Variants in WWOX observed in about 807,000 individuals in gnomAD.
WWOX encodes WW domain containing oxidoreductase, also known as WW domain-containing oxidoreductase.
A neutral mutation model predicts 46.2 loss-of-function variants in WWOX; 69 were observed. The observed-to-expected ratio is 1.49, with a 90% CI of 1.23 to 1.82. WWOX has a LOEUF of 1.82. Ranked by LOEUF, WWOX falls within the 40% of genes most tolerant of loss-of-function variation. WWOX has a pLI of 0.00. For synonymous variants in WWOX, 359 were observed against 202.6 expected (o/e 1.77, Z -6.56); for missense variants, 919 against 542.6 (o/e 1.69, Z -6.89).
At position 79,143,260 on chromosome 16, in the gene WWOX, C is replaced by T. The variant is rs115842305; in HGVS notation, c.1057-68348C>T. Among the ~76,000 whole-genome samples, 975 of 152,292 alleles carry T rather than the reference C, an allele frequency of 6.4e-3. 9 individuals are homozygous for T. Among genetic ancestry groups the T allele is most frequent in the African/African-American group, 0.022 (920 of 41,554 alleles). ...CCTGGATGAAGTCTTTCTCTACACT[C>T]TTTTTTGGGAAGTTCCCAAATCTGT... On this transcript the variant is annotated intron_variant, in intron 8 of 8. Transcript: ENST00000566780.
At chr16:78,300,414 A>C (rs1053454986) in intron 5 of WWOX, among the ~76,000 whole-genome samples, 14 of 152,058 alleles carry the variant, frequency 9.2e-5, no homozygotes, top group African/African-American at 3.4e-4. Context: ...GTGCCATAAC[A>C]TGTCTGTGTC....
chr16:78,668,163 C>A (rs113410446), intron 8 of WWOX, among the ~76,000 whole-genome samples: 1 of 152,106 alleles, frequency 6.6e-6, no homozygotes, highest in African/African-American at 2.4e-5. Context: ...GCCTGTAATC[C>A]CAGCTACTCG....
At chr16:78,928,218 T>TG (rs2045543534) in intron 8 of WWOX, among the ~76,000 whole-genome samples, 2 of 150,938 alleles carry the variant, frequency 1.3e-5, no homozygotes, top group Admixed American at 6.6e-5. Flanking sequence ...TTTTTTTTTT[T>TG]TTGAGACGGA....
chr16:78,897,302 C>T (rs1054747468), intron 8 of WWOX: 1 of 149,514 alleles, frequency 6.7e-6, no homozygotes, highest in South Asian at 2.1e-4. Flanking sequence ...CCCATCACGT[C>T]GGTAAGTATC....
intron 4 of WWOX, among the ~76,000 whole-genome samples, chr16:78,147,995 C>T (rs561617932): frequency 1.1e-4 from 17 of 151,852 alleles, no homozygotes; most frequent in South Asian, 4.2e-4. Flanking sequence ...TGCTCTAAAT[C>T]ATAAAGAACC....
chr16:78,378,431 A>G (rs1486680686), intron 5 of WWOX, among the ~76,000 whole-genome samples: 2 of 152,176 alleles, frequency 1.3e-5, no homozygotes, highest in African/African-American at 4.8e-5. Flanking sequence ...AATGAAAGCA[A>G]CTGTGTCCCC....
intron 8 of WWOX, among the ~76,000 whole-genome samples, chr16:78,753,408 G>T (rs539652460): frequency 6.6e-6 from 1 of 152,144 alleles, no homozygotes; most frequent in Admixed American, 6.5e-5. Context: ...AGAGTATTGG[G>T]GTTGGGAGGA....
chr16:79,176,894 C>G (rs1037986941), intron 8 of WWOX, among the ~76,000 whole-genome samples: 1 of 152,060 alleles, frequency 6.6e-6, no homozygotes, highest in African/African-American at 2.4e-5. Flanking sequence ...TGGCATAATC[C>G]AGGCCGACTT....
At chr16:78,774,479 T>C (rs1256932679) in intron 8 of WWOX, among the ~76,000 whole-genome samples, 1 of 151,564 alleles carries the variant, frequency 6.6e-6, no homozygotes, top group Admixed American at 6.6e-5. Context: ...TTCGGGCAGT[T>C]TCTTGACAGA....
intron 6 of WWOX, among the ~76,000 whole-genome samples, chr16:78,395,640 C>T (rs556422065): frequency 8.2e-4 from 125 of 152,208 alleles, no homozygotes; most frequent in East Asian, 1.2e-3. Context: ...CTTCACATTG[C>T]CTGCAAGCTC....
intron 8 of WWOX, among the ~76,000 whole-genome samples, chr16:78,888,921 C>T (rs887233227): frequency 1.3e-5 from 2 of 151,728 alleles, no homozygotes; most frequent in Admixed American, 1.3e-4. Flanking sequence ...CAATTTCAAG[C>T]TTCTCCTTTT....
chr16:78,402,092 C>T (rs7201777), intron 6 of WWOX, among the ~76,000 whole-genome samples: 1 of 152,108 alleles, frequency 6.6e-6, no homozygotes, highest in Non-Finnish European at 1.5e-5. Context: ...AGAACAATTT[C>T]ATCACTCCAA....
chr16:78,929,358 A>G (rs917176567), intron 8 of WWOX, among the ~76,000 whole-genome samples: 1 of 151,868 alleles, frequency 6.6e-6, no homozygotes, highest in African/African-American at 2.4e-5. Flanking sequence ...TATAGTGCAT[A>G]TTTTTTCTCC....
chr16:78,425,303 G>A (rs918357019), intron 7 of WWOX, among the ~76,000 whole-genome samples: 1 of 152,068 alleles, frequency 6.6e-6, no homozygotes, highest in African/African-American at 2.4e-5. Context: ...CATTGATTTT[G>A]CTTAGAGATG....
At chr16:78,709,280 G>A (rs1368536698) in intron 8 of WWOX, among the ~76,000 whole-genome samples, 1 of 152,172 alleles carries the variant, frequency 6.6e-6, no homozygotes, top group African/African-American at 2.4e-5. Flanking sequence ...CAAAATAACA[G>A]TTCATCTGGA....
At chr16:78,133,822 C>T (rs1017793021) in intron 4 of WWOX, among the ~76,000 whole-genome samples, 7 of 152,328 alleles carry the variant, frequency 4.6e-5, no homozygotes, top group East Asian at 1.9e-4. Flanking sequence ...GAAGCTAGCT[C>T]ACAAAAGCAA....
At chr16:78,946,188 GTTTC>G (rs1190752623) in intron 8 of WWOX, among the ~76,000 whole-genome samples, 1 of 151,958 alleles carries the variant, frequency 6.6e-6, no homozygotes, top group Admixed American at 6.6e-5. Context: ...TGTGTTTGTT[GTTTC>G]TTTTGTTTTT....
intron 8 of WWOX, among the ~76,000 whole-genome samples, chr16:78,945,341 C>G (rs935116203): frequency 1.3e-5 from 2 of 152,146 alleles, no homozygotes; most frequent in Non-Finnish European, 2.9e-5. Flanking sequence ...AATGTATAAT[C>G]TCAAACTTTA....
intron 8 of WWOX, among the ~76,000 whole-genome samples, chr16:79,008,986 A>G (rs34310485): frequency 0.23 from 35,145 of 152,172 alleles, 4,632 homozygotes; most frequent in East Asian, 0.5. Flanking sequence ...CGCCAGTGCA[A>G]TTATCCCGAT....
Sources: gnomAD v4.1 joint callset for allele counts (sites outside exome capture counted in the v4.1 genomes callset) on GRCh38, gnomAD v4.1.1 for gene constraint, MANE v1.5 for transcripts, NCBI Gene and HGNC (gene_info 2026-07-23, HGNC 2026-07-21) for gene names.